FHOD3: variants seen among roughly 807,000 people sequenced by gnomAD.
FHOD3 encodes FH1/FH2 domain-containing protein 3.
A neutral mutation model predicts 173.0 loss-of-function variants in FHOD3; 90 were observed. The observed-to-expected ratio is 0.52, with a 90% CI of 0.44 to 0.62. The LOEUF (loss-of-function observed/expected upper bound fraction) is 0.62. FHOD3 is among the 20% of genes least tolerant of loss of function. The probability of loss-of-function intolerance (pLI) is 0.00; values close to 1 mark genes in which losing one functional copy is unlikely to be tolerated. For missense variants in FHOD3, 1,945 were observed against 2,034.7 expected (o/e 0.96, Z 0.85); for synonymous variants, 828 against 823.0 (o/e 1.01, Z -0.10).
At chr18:36,354,033 AC>A (rs1484225921) in intron 1 of FHOD3, among the ~76,000 whole-genome samples, 1 of 152,098 alleles carries the variant, frequency 6.6e-6, no homozygotes, top group Non-Finnish European at 1.5e-5. Context: ...CTTCACTTTC[AC>A]CCACATTCTG....
At position 36,298,134 on chromosome 18, in the gene FHOD3, C is replaced by T. The variant is rs1598613175; in HGVS notation, c.165+134C>T. The T allele has an allele frequency of 4.1e-6, 3 of 730,766 alleles. No individual in the cohort carries two copies. The South Asian group carries it at 7.7e-5, about 19-fold the overall frequency. 45.3% of individuals were successfully genotyped at this position (730,766 alleles called of 1,614,324 possible). A position where few individuals can be genotyped will look rare whatever the true frequency, so the allele number is the denominator to read the frequency against. Reference sequence around the variant, plus strand: ...GCCCGGGGGGACCATCGCTCGAGGGCAAATCCCCCTCCCCGTTAGACAGAA... The same window carrying T: ...GCCCGGGGGGACCATCGCTCGAGGGTAAATCCCCCTCCCCGTTAGACAGAA... On this transcript the variant is annotated intron_variant, in intron 1 of 28. Coordinates refer to ENST00000590592, the MANE Select transcript of FHOD3 (RefSeq NM_001281740.3).
intron 18 of FHOD3, among the ~76,000 whole-genome samples, chr18:36,715,095 G>A (rs1018659663): frequency 3.9e-5 from 6 of 152,204 alleles, no homozygotes; most frequent in Non-Finnish European, 8.8e-5. Flanking sequence ...TGGAACTGAA[G>A]CACTCACTAC....
chr18:36,335,602 C>T (rs1025797246), intron 1 of FHOD3, among the ~76,000 whole-genome samples: 6 of 152,148 alleles, frequency 3.9e-5, no homozygotes, highest in Admixed American at 1.3e-4. Context: ...GCCCATGGGC[C>T]GCAGGTTGGA....
chr18:36,529,673 G>A (rs979073700), intron 5 of FHOD3, among the ~76,000 whole-genome samples: 6 of 152,022 alleles, frequency 3.9e-5, no homozygotes, highest in South Asian at 2.1e-4. Context: ...GGTGGTGAGC[G>A]CCTGTAATCC....
chr18:36,573,280 G>T (rs72893887), intron 5 of FHOD3, among the ~76,000 whole-genome samples: 10,506 of 151,762 alleles, frequency 0.069, 540 homozygotes, highest in East Asian at 0.3. Flanking sequence ...ATATTTTATG[G>T]ATTTCCTTTT....
intron 5 of FHOD3, among the ~76,000 whole-genome samples, chr18:36,524,281 C>CAAA (rs34510109): frequency 1.8e-5 from 2 of 111,932 alleles, no homozygotes; most frequent in African/African-American, 7.3e-5. Context: ...GGCTCTACCT[C>CAAA]AAAAAAAAAA....
intron 17 of FHOD3, among the ~76,000 whole-genome samples, chr18:36,696,988 A>G (rs1056356161): frequency 4.6e-5 from 7 of 152,238 alleles, no homozygotes; most frequent in Non-Finnish European, 1.0e-4. Flanking sequence ...TTAGAAACTC[A>G]TAGATGATTC....
intron 5 of FHOD3, among the ~76,000 whole-genome samples, chr18:36,535,644 C>A (rs2056965429): frequency 6.6e-6 from 1 of 152,126 alleles, no homozygotes; most frequent in Non-Finnish European, 1.5e-5. Context: ...ACCATGTAGG[C>A]ACATTGAGTG....
intron 10 of FHOD3, among the ~76,000 whole-genome samples, chr18:36,644,549 C>T (rs962334012): frequency 6.6e-6 from 1 of 152,204 alleles, no homozygotes; most frequent in African/African-American, 2.4e-5. Flanking sequence ...GCCCTTGGTT[C>T]TGCCCTGCCA....
chr18:36,647,065 C>T (rs2035737162), intron 10 of FHOD3, among the ~76,000 whole-genome samples: 2 of 152,064 alleles, frequency 1.3e-5, no homozygotes, highest in South Asian at 2.1e-4. Context: ...GATGAAACCC[C>T]GTCTCTACTA....
intron 14 of FHOD3, among the ~76,000 whole-genome samples, chr18:36,670,525 G>A (rs2037462841): frequency 6.6e-6 from 1 of 152,192 alleles, no homozygotes; most frequent in African/African-American, 2.4e-5. Context: ...ACTGTTTCAA[G>A]TGGTCTCTTT....
chr18:36,413,345 T>C (rs1009765328), intron 3 of FHOD3, among the ~76,000 whole-genome samples: 6 of 152,184 alleles, frequency 3.9e-5, no homozygotes, highest in East Asian at 1.9e-4. Flanking sequence ...CATGAGTCTG[T>C]GGCCCCTCCC....
At chr18:36,677,260 G>A (rs2037925571) in intron 14 of FHOD3, among the ~76,000 whole-genome samples, 1 of 151,918 alleles carries the variant, frequency 6.6e-6, no homozygotes, top group East Asian at 1.9e-4. Flanking sequence ...CCAGGTTCAA[G>A]TGATCCTTCT....
At chr18:36,582,962 T>C (rs1307225333) in intron 6 of FHOD3, among the ~76,000 whole-genome samples, 2 of 152,216 alleles carry the variant, frequency 1.3e-5, no homozygotes, top group Non-Finnish European at 2.9e-5. Context: ...CCCCCATTGA[T>C]TGTGGGCCAG....
At chr18:36,724,872 G>A (rs185646193) in intron 19 of FHOD3, among the ~76,000 whole-genome samples, 151 of 152,316 alleles carry the variant, frequency 9.9e-4, no homozygotes, top group African/African-American at 3.5e-3. Flanking sequence ...GAGCTCTGCC[G>A]TGGGCGTTCA....
At chr18:36,563,606 T>G (rs2058163629) in intron 5 of FHOD3, among the ~76,000 whole-genome samples, 1 of 152,226 alleles carries the variant, frequency 6.6e-6, no homozygotes, top group African/African-American at 2.4e-5. Context: ...CTGCGTAAGC[T>G]CCATAGTTTT....
At chr18:36,513,622 GAC>G (rs1185182702) in intron 5 of FHOD3, among the ~76,000 whole-genome samples, 1 of 152,114 alleles carries the variant, frequency 6.6e-6, no homozygotes, top group Non-Finnish European at 1.5e-5. Flanking sequence ...CAAGCAAACT[GAC>G]ACAGTCATCT....
At chr18:36,581,222 C>G (rs1424193493) in intron 6 of FHOD3, among the ~76,000 whole-genome samples, 2 of 152,232 alleles carry the variant, frequency 1.3e-5, no homozygotes, top group Admixed American at 1.3e-4. Context: ...AGGCAGATGC[C>G]AGGCCCATGA....
intron 9 of FHOD3, among the ~76,000 whole-genome samples, chr18:36,617,769 A>G (rs1495897): frequency 0.98 from 148,503 of 152,152 alleles, 72,591 homozygotes; most frequent in East Asian, 1. Flanking sequence ...GGAAAATTAC[A>G]TGGGCCTGTG....
Sources: allele counts gnomAD v4.1 joint callset (sites outside exome capture counted in the v4.1 genomes callset), GRCh38; gene constraint gnomAD v4.1.1; transcripts MANE v1.5; gene names NCBI Gene and HGNC (gene_info 2026-07-23, HGNC 2026-07-21).